RNF138: variants seen among roughly 807,000 people sequenced by gnomAD.
RNF138 encodes E3 ubiquitin-protein ligase RNF138.
RNF138 carries 12 observed loss-of-function variants against 31.0 expected under a neutral mutation model. The ratio of observed to expected loss-of-function variants is 0.39; its 90% CI spans 0.25 to 0.63. The LOEUF (loss-of-function observed/expected upper bound fraction) is 0.63, where lower values mean the gene tolerates loss of function less well. RNF138 is among the 20% of genes least tolerant of loss of function. The pLI is 0.52. For synonymous variants in RNF138, 105 were observed against 99.5 expected (o/e 1.06, Z -0.33); for missense variants, 192 against 300.1 (o/e 0.64, Z 2.66).
intron 4 of RNF138, among the ~76,000 whole-genome samples, chr18:32,120,708 T>C (rs906839899): frequency 2.6e-5 from 4 of 152,158 alleles, no homozygotes; most frequent in Non-Finnish European, 5.9e-5. Context: ...TTGAGAGTTA[T>C]AATGGTAGAT....
At chr18:32,094,309 A>G (rs1487928710) in intron 2 of RNF138, among the ~76,000 whole-genome samples, 2 of 150,450 alleles carry the variant, frequency 1.3e-5, no homozygotes, top group Non-Finnish European at 3.0e-5. Flanking sequence ...CTTGATACCA[A>G]CTCTTCTCAT....
At chr18:32,101,093 G>C (rs573630784) in intron 2 of RNF138, among the ~76,000 whole-genome samples, 2 of 152,252 alleles carry the variant, frequency 1.3e-5, no homozygotes, top group East Asian at 3.9e-4. Flanking sequence ...CTGTGCTCGT[G>C]CATAGAACAT....
intron 2 of RNF138, among the ~76,000 whole-genome samples, chr18:32,108,134 C>T (rs553772419): frequency 2.4e-4 from 36 of 152,236 alleles, no homozygotes; most frequent in Admixed American, 1.5e-3. Flanking sequence ...GGATTACAGG[C>T]GTAAGCCACC....
intron 2 of RNF138, among the ~76,000 whole-genome samples, chr18:32,095,379 C>T (rs2039786940): frequency 6.6e-6 from 1 of 152,010 alleles, no homozygotes; most frequent in African/African-American, 2.4e-5. Flanking sequence ...ACTACGTTGC[C>T]CAGTCAGATC....
intron 2 of RNF138, among the ~76,000 whole-genome samples, chr18:32,106,235 C>T (rs185276402): frequency 1.7e-3 from 253 of 152,300 alleles, no homozygotes; most frequent in African/African-American, 5.6e-3. Flanking sequence ...CACGAGTGGT[C>T]TATTCCAACC....
At chr18:32,115,509 C>T (rs867842305) in intron 4 of RNF138, among the ~76,000 whole-genome samples, 5 of 152,268 alleles carry the variant, frequency 3.3e-5, no homozygotes, top group Middle Eastern at 6.8e-3. Flanking sequence ...TTTTGGGAGG[C>T]CAAGGTGGGC....
At position 32,131,244 on chromosome 18, in the gene RNF138, ATACTT is replaced by A. The variant is rs749182385; in HGVS notation, c.*2060_*2064del. The A allele has an allele frequency of 1.3e-5, 2 of 152,128 alleles. No homozygotes were observed. The highest frequency in any genetic ancestry group is 2.9e-5 in the Non-Finnish European group (2 of 67,956). 9.4% of individuals were successfully genotyped at this position (152,128 alleles called of 1,614,324 possible). A position where few individuals can be genotyped will look rare whatever the true frequency, so the allele number is the denominator to read the frequency against. ...ACATATCAGCTTTTTCATAAGGAAA[ATACTT>A]TATTTGCTTTTATCTGAGAATTTCT... is the stretch of plus-strand genomic sequence containing the variant. On this transcript the variant is annotated 3_prime_UTR_variant, in exon 8 of 8. Transcript: ENST00000261593.
chr18:32,094,884 A>C (rs951128811), intron 2 of RNF138, among the ~76,000 whole-genome samples: 5 of 152,152 alleles, frequency 3.3e-5, no homozygotes, highest in Non-Finnish European at 5.9e-5. Context: ...GCACTCCCCA[A>C]AATTCCGTGT....
chr18:32,104,727 A>G (rs2040001353), intron 2 of RNF138, among the ~76,000 whole-genome samples: 1 of 152,218 alleles, frequency 6.6e-6, no homozygotes, highest in Admixed American at 6.5e-5. Flanking sequence ...ACAGCTTCTT[A>G]AAGAAAATTA....
intron 2 of RNF138, among the ~76,000 whole-genome samples, chr18:32,095,174 T>G (rs1022679365): frequency 2.3e-5 from 2 of 85,272 alleles, no homozygotes; most frequent in Non-Finnish European, 4.9e-5. Context: ...TTTTAAAAAT[T>G]ATCGTTTTTT....
rs368315264 is a variant in RNF138, at chr18:32,116,290, T to G, written c.392+2430T>G. 1.0e-3 allele frequency among the ~76,000 whole-genome samples: 156 copies of G among 152,246 alleles called. 3 individuals are homozygous for G. The South Asian group carries it at 0.031, about 30-fold the overall frequency. On this transcript the variant is annotated intron_variant, in intron 4 of 7. Coordinates refer to ENST00000261593, the MANE Select transcript of RNF138 (RefSeq NM_016271.5). Reference sequence around the variant, plus strand: ...ACCAAGTGTTAGCTACTCAGTAAAATCCTTCCTGAGCTCTAGAATTTCTTC... The same window carrying G: ...ACCAAGTGTTAGCTACTCAGTAAAAGCCTTCCTGAGCTCTAGAATTTCTTC...
intron 4 of RNF138, among the ~76,000 whole-genome samples, chr18:32,121,584 T>C (rs2040306958): frequency 6.6e-6 from 1 of 152,248 alleles, no homozygotes; most frequent in Non-Finnish European, 1.5e-5. Context: ...ATTATAGTTC[T>C]ATAAACCTAT....
chr18:32,116,876 C>T (rs1053796077), intron 4 of RNF138, among the ~76,000 whole-genome samples: 2 of 151,480 alleles, frequency 1.3e-5, no homozygotes, highest in Admixed American at 6.6e-5. Context: ...TGAGCCACCA[C>T]GCCTGGCCAG....
intron 2 of RNF138, among the ~76,000 whole-genome samples, chr18:32,093,141 C>T (rs1220920802): frequency 6.6e-6 from 1 of 151,548 alleles, no homozygotes; most frequent in Non-Finnish European, 1.5e-5. Context: ...TCCCGCTCTC[C>T]CGCTCTCCCT....
chr18:32,122,013 C>T (rs1008712860), intron 4 of RNF138, among the ~76,000 whole-genome samples: 19 of 152,014 alleles, frequency 1.2e-4, no homozygotes, highest in African/African-American at 4.3e-4. Context: ...GGATTACAGG[C>T]GCCCGTCACC....
intron 2 of RNF138, among the ~76,000 whole-genome samples, chr18:32,101,001 GGTGA>G (rs1339297572): frequency 2.0e-5 from 3 of 152,124 alleles, no homozygotes; most frequent in South Asian, 2.1e-4. Flanking sequence ...AGATCTAGTG[GGTGA>G]GTATCGATGA....
intron 2 of RNF138, chr18:32,109,473 T>G (rs550355210): frequency 6.6e-6 from 1 of 152,186 alleles, no homozygotes; most frequent in Non-Finnish European, 1.5e-5. Context: ...AGGGTCATGC[T>G]GTGTTACCCA....
In RNF138 at chr18:32,129,507, G is replaced by A. The variant is rs1360353574; in HGVS notation, c.*320G>A. On this transcript the variant is annotated 3_prime_UTR_variant, in exon 8 of 8. Transcript: ENST00000261593. The stretch of plus-strand genomic sequence containing the variant: ...CATTATTATGTTGCTTTTGAAATTT[G>A]ATGCATTCCTCCCATTTACTTTATT... 1 of 220,026 alleles carries A rather than the reference G, an allele frequency of 4.5e-6. No homozygotes were observed. The highest frequency in any genetic ancestry group is 9.2e-6 in the Non-Finnish European group (1 of 108,770). The allele number at this position is 220,026 out of a possible 1,614,324, so 13.6% of individuals were successfully genotyped here.
At chr18:32,113,992 A>T (rs1207372142) in intron 4 of RNF138, 132 bp downstream of exon 4, 2 of 529,800 alleles carry the variant, frequency 3.8e-6, no homozygotes, top group Non-Finnish European at 6.6e-6. Flanking sequence ...GTGAATTGCC[A>T]AGTATCAGAA....
Sources: allele counts gnomAD v4.1 joint callset (sites outside exome capture counted in the v4.1 genomes callset), GRCh38; gene constraint gnomAD v4.1.1; transcripts MANE v1.5; gene names NCBI Gene and HGNC (gene_info 2026-07-23, HGNC 2026-07-21).